IL18: variants seen among roughly 807,000 people sequenced by gnomAD.
The protein encoded by IL18 is interleukin-18.
In IL18, 8 loss-of-function variants were observed where a neutral mutation model predicts 14.2. The observed-to-expected ratio is 0.56, with a 90% CI of 0.33 to 1.01. The LOEUF is 1.01. Ranked by LOEUF, IL18 falls within the 50% of genes least tolerant of loss-of-function variation. IL18 has a pLI of 0.03. For missense variants in IL18, 166 were observed against 231.1 expected (o/e 0.72, Z 1.83); for synonymous variants, 67 against 71.0 (o/e 0.94, Z 0.28).
At chr11:112,148,757 G>A (rs1283265920) in intron 4 of IL18, 21 bp from the exon 5 acceptor site, 1 of 1,343,310 alleles carries the variant, frequency 7.4e-7, no homozygotes, top group Non-Finnish European at 9.8e-7. Flanking sequence ...TATAATAAAT[G>A]AGAACTCTAG....
chr11:112,148,508 T>C, intron 5 of IL18, 95 bp downstream of exon 5: 2 of 633,800 alleles, frequency 3.2e-6, no homozygotes, highest in Non-Finnish European at 4.7e-6. Flanking sequence ...AGTTTTCTAA[T>C]TACATTACTT....
At chr11:112,148,097 A>C (rs946899491) in intron 5 of IL18, among the ~76,000 whole-genome samples, 1 of 152,222 alleles carries the variant, frequency 6.6e-6, no homozygotes, top group Non-Finnish European at 1.5e-5. Flanking sequence ...AATAACATAC[A>C]TCAACTGGAA....
chr11:112,153,629 A>T, intron 2 of IL18, 26 bp from the exon 3 acceptor site: 1 of 1,521,086 alleles, frequency 6.6e-7, no homozygotes, highest in Non-Finnish European at 9.0e-7. Flanking sequence ...AGAGAGAAAC[A>T]GAATATGTAA....
chr11:112,163,743 A>G (rs1337896355), intron 1 of IL18, among the ~76,000 whole-genome samples, 163 bp downstream of exon 1: 1 of 152,218 alleles, frequency 6.6e-6, no homozygotes, highest in Admixed American at 6.5e-5. Flanking sequence ...ATCTGATAAA[A>G]GAAAAAAATT....
At chr11:112,149,207 G>T (rs1445804246) in intron 4 of IL18, among the ~76,000 whole-genome samples, 1 of 151,924 alleles carries the variant, frequency 6.6e-6, no homozygotes, top group Non-Finnish European at 1.5e-5. Flanking sequence ...CATGAGAATC[G>T]CTTGAACGTG....
intron 1 of IL18, among the ~76,000 whole-genome samples, chr11:112,160,579 C>T (rs556135125): frequency 6.6e-6 from 1 of 152,194 alleles, no homozygotes; most frequent in Admixed American, 6.5e-5. Context: ...ATTTTCAACA[C>T]CTGGAAAGAG....
intron 5 of IL18, among the ~76,000 whole-genome samples, chr11:112,147,264 A>C (rs1287912403): frequency 6.6e-6 from 1 of 152,156 alleles, no homozygotes; most frequent in Non-Finnish European, 1.5e-5. Flanking sequence ...ATCAAAATTG[A>C]ATAAACTTCA....
intron 1 of IL18, among the ~76,000 whole-genome samples, chr11:112,160,110 T>C (rs891078304): frequency 1.3e-5 from 2 of 152,180 alleles, no homozygotes; most frequent in African/African-American, 4.8e-5. Context: ...GTCTGATAAA[T>C]ACTGTAGATT....
intron 1 of IL18, among the ~76,000 whole-genome samples, chr11:112,160,311 C>CA (rs1866607075): frequency 1.7e-4 from 2 of 12,018 alleles, no homozygotes; most frequent in Middle Eastern, 0.042. Context: ...CCTTCCCCTG[C>CA]CTTTTTTTTT....
chr11:112,159,859 A>T (rs1866599858), intron 1 of IL18, among the ~76,000 whole-genome samples: 1 of 152,186 alleles, frequency 6.6e-6, no homozygotes, highest in African/African-American at 2.4e-5. Context: ...GGAGGGGAAA[A>T]GTAAAGACAG....
rs563355283 is a variant in IL18 at position 112,151,308 on chromosome 11, T to C, written c.92-1102A>G. 3.0e-4 allele frequency among the ~76,000 whole-genome samples: 45 copies of C among 152,308 alleles called. No individual in the cohort carries two copies. In the South Asian group the frequency reaches 3.1e-3, roughly 11 times the overall value. Reference sequence around the variant, plus strand: ...CTAACTAGAAAAAGCAGCTTAGGTATAGTACAATCCCTTTTAATAAAAATA... The same window carrying C: ...CTAACTAGAAAAAGCAGCTTAGGTACAGTACAATCCCTTTTAATAAAAATA... On this transcript the variant is annotated intron_variant, in intron 3 of 5. Coordinates refer to ENST00000280357, the MANE Select transcript of IL18 (RefSeq NM_001562.4).
intron 1 of IL18, among the ~76,000 whole-genome samples, chr11:112,163,652 T>C (rs781273891): frequency 2.4e-4 from 36 of 152,324 alleles, no homozygotes; most frequent in Non-Finnish European, 3.1e-4. Flanking sequence ...TTACTTATGC[T>C]AACATGTGAT....
At chr11:112,155,579 G>C (rs144987760) in intron 1 of IL18, among the ~76,000 whole-genome samples, 141 of 152,242 alleles carry the variant, frequency 9.3e-4, no homozygotes, top group African/African-American at 3.1e-3. Flanking sequence ...AGGCTGAAGG[G>C]CTCTGGCATT....
chr11:112,145,466 G>T (rs117193606), intron 5 of IL18, among the ~76,000 whole-genome samples: 1 of 152,202 alleles, frequency 6.6e-6, no homozygotes. Context: ...TGAGCCGGGT[G>T]CGATGGCTCA....
At chr11:112,155,527 T>TA (rs1304817944) in intron 1 of IL18, among the ~76,000 whole-genome samples, 2 of 152,094 alleles carry the variant, frequency 1.3e-5, no homozygotes, top group Non-Finnish European at 2.9e-5. Flanking sequence ...GAAACAATGA[T>TA]AAAAAAGTGC....
At chr11:112,143,839 CTAAT>C (rs1866289265) in intron 5 of IL18, 22 bp from the exon 6 acceptor site, 1 of 1,405,010 alleles carries the variant, frequency 7.1e-7, no homozygotes, top group Non-Finnish European at 9.9e-7. Context: ...AAAACATTAC[CTAAT>C]TATTTCAGGA....
Position 112,143,403 on chromosome 11 carries a change from C to G in IL18, c.*193G>C. 1 of 471,948 alleles carries G rather than the reference C, an allele frequency of 2.1e-6. No individual in the cohort carries two copies. Among genetic ancestry groups the G allele is most frequent in the Non-Finnish European group, 3.8e-6 (1 of 264,362 alleles). The allele number at this position is 471,948 out of a possible 1,614,324, so 29.2% of individuals were successfully genotyped here. On this transcript the variant is annotated 3_prime_UTR_variant, in exon 6 of 6. Transcript: ENST00000280357. ...GCAAGTGATTCTCCTGCCTCAGCCT[C>G]TTGAGTAGCTGGGATTGAGGGCATG...
intron 1 of IL18, among the ~76,000 whole-genome samples, chr11:112,162,061 T>C (rs1382040916): frequency 6.6e-6 from 1 of 152,180 alleles, no homozygotes; most frequent in Non-Finnish European, 1.5e-5. Context: ...TTATTATGAA[T>C]GCGTGTATGT....
At chr11:112,150,276 A>G in intron 3 of IL18, 70 bp from the exon 4 acceptor site, 1 of 1,064,892 alleles carries the variant, frequency 9.4e-7, no homozygotes. Context: ...AGTATGCTAT[A>G]TATTTTAGTT....
Sources: gnomAD v4.1 joint callset for allele counts (sites outside exome capture counted in the v4.1 genomes callset) on GRCh38, gnomAD v4.1.1 for gene constraint, MANE v1.5 for transcripts, NCBI Gene and HGNC (gene_info 2026-07-23, HGNC 2026-07-21) for gene names.